The following RANBP10 variants were observed in gnomAD, a reference collection of about 807,000 sequenced individuals.
The protein encoded by RANBP10 is ran-binding protein 10.
In RANBP10, 24 loss-of-function variants were observed where a neutral mutation model predicts 72.8. That is an observed-to-expected ratio of 0.33 (90% CI 0.24 to 0.46). The LOEUF (loss-of-function observed/expected upper bound fraction) is 0.46. Among genes scored for constraint, RANBP10 ranks in the 20% least tolerant of loss-of-function variants. The pLI is 1.00. For missense variants in RANBP10, 679 were observed against 817.5 expected (o/e 0.83, Z 2.07); for synonymous variants, 310 against 322.3 (o/e 0.96, Z 0.41).
intron 2 of RANBP10, among the ~76,000 whole-genome samples, chr16:67,788,472 T>C (rs568502696): frequency 1.3e-5 from 2 of 151,468 alleles, no homozygotes; most frequent in Non-Finnish European, 2.9e-5. Flanking sequence ...TTAGCCAGGA[T>C]GGTCTCGATC....
At chr16:67,779,398 A>G (rs1405719627) in intron 2 of RANBP10, among the ~76,000 whole-genome samples, 1 of 151,920 alleles carries the variant, frequency 6.6e-6, no homozygotes, top group African/African-American at 2.4e-5. Context: ...CCTTGTCTCA[A>G]AGAAAAAAAA....
In RANBP10 at chr16:67,728,427, G is replaced by A. The variant is rs895393611; in HGVS notation, c.1437C>T (p.Tyr479=). The A allele has an allele frequency of 1.4e-5, 22 of 1,614,166 alleles. No homozygotes were observed. Among genetic ancestry groups the A allele is most frequent in the Non-Finnish European group, 1.7e-5 (20 of 1,180,028 alleles). The change falls in exon 11 of 14, where the codon TAC becomes TAT. Residue 479 remains tyrosine (Y), a synonymous_variant. Transcript: ENST00000317506. ...SMSTRIVNGA[Y]KHEDLQTDES... ...CATCCGTCTGCAGGTCCTCATGCTT[G>A]TAGGCACCATTAACAATGCGTGTGG... is the stretch of plus-strand genomic sequence containing the variant.
chr16:67,748,720 C>T (rs2054137669), intron 3 of RANBP10, among the ~76,000 whole-genome samples: 1 of 152,082 alleles, frequency 6.6e-6, no homozygotes, highest in Non-Finnish European at 1.5e-5. Flanking sequence ...CAGGCAAAGG[C>T]ATGAGTACAG....
intron 3 of RANBP10, among the ~76,000 whole-genome samples, chr16:67,757,746 G>A (rs776711537): frequency 3.9e-5 from 6 of 152,172 alleles, no homozygotes; most frequent in South Asian, 4.1e-4. Context: ...AGAGAACACC[G>A]CTGTCACAGC....
chr16:67,731,878 A>G (rs2053740672), intron 6 of RANBP10, among the ~76,000 whole-genome samples: 1 of 152,168 alleles, frequency 6.6e-6, no homozygotes, highest in Admixed American at 6.5e-5. Flanking sequence ...GAGTATGATA[A>G]CAGAAGTACA....
At position 67,760,156 on chromosome 16, in the gene RANBP10, GCAACCGCACAAAGC is replaced by G. The variant is rs532916609; in HGVS notation, c.400+11864_400+11877del. Among the ~76,000 whole-genome samples the G allele has an allele frequency of 1.2e-4, 18 of 151,840 alleles. 1 individual carries two copies. Among genetic ancestry groups the G allele is most frequent in the Middle Eastern group, 6.8e-3 (2 of 292 alleles). ...CTACATGCCAATAATCTCTAAGACAGCAACCGCACAAAGCCACCTGCTACTGGTATTTGCTCAAA... is the reference window on the plus strand; with the variant it reads ...CTACATGCCAATAATCTCTAAGACAGCACCTGCTACTGGTATTTGCTCAAA... On this transcript the variant is annotated intron_variant, in intron 3 of 13. Coordinates refer to ENST00000317506, the MANE Select transcript of RANBP10 (RefSeq NM_020850.3).
chr16:67,805,460 A>G lies in RANBP10; in HGVS notation c.315T>C (p.Phe105=), dbSNP rs1026032674. Residue 105 remains phenylalanine (F), a synonymous_variant, in exon 2 of 14, where the codon TTT becomes TTC. Transcript: ENST00000317506. ...PIPAACGIYY[F]EVKIVSKGRD... ...TTCCTTTGCTGACAATCTTCACTTC[A>G]AAGTAATAAATGCCACAGGCAGCAG... 15 of 1,614,048 alleles carry G rather than the reference A, an allele frequency of 9.3e-6. No individual in the cohort carries two copies. Among genetic ancestry groups the G allele is most frequent in the Admixed American group, 6.7e-5 (4 of 59,996 alleles).
At chr16:67,799,160 T>C (rs1456636381) in intron 2 of RANBP10, among the ~76,000 whole-genome samples, 5 of 152,068 alleles carry the variant, frequency 3.3e-5, no homozygotes, top group African/African-American at 1.2e-4. Flanking sequence ...GTTCTCGAAC[T>C]CCTGAACTCA....
At chr16:67,783,303 C>A (rs1597903283) in intron 2 of RANBP10, among the ~76,000 whole-genome samples, 2 of 152,174 alleles carry the variant, frequency 1.3e-5, no homozygotes, top group East Asian at 3.9e-4. Flanking sequence ...GGCCACCTGA[C>A]TCTCACACCT....
intron 3 of RANBP10, among the ~76,000 whole-genome samples, chr16:67,754,276 C>T (rs1395569726): frequency 3.9e-5 from 6 of 152,262 alleles, no homozygotes; most frequent in South Asian, 2.1e-4. Flanking sequence ...CCAGGGACTT[C>T]GTGGCTCCTT....
At chr16:67,748,121 G>A (rs924553021) in intron 3 of RANBP10, among the ~76,000 whole-genome samples, 36 of 151,266 alleles carry the variant, frequency 2.4e-4, no homozygotes, top group South Asian at 6.4e-4. Flanking sequence ...CACTGCGCCC[G>A]GCCCTCATTT....
At chr16:67,796,212 A>G (rs1404560341) in intron 2 of RANBP10, among the ~76,000 whole-genome samples, 1 of 152,178 alleles carries the variant, frequency 6.6e-6, no homozygotes, top group Admixed American at 6.6e-5. Context: ...CACAGCACAC[A>G]GCCTATTTTG....
intron 4 of RANBP10, among the ~76,000 whole-genome samples, chr16:67,741,971 T>A (rs536108834): frequency 6.6e-6 from 1 of 152,140 alleles, no homozygotes; most frequent in Non-Finnish European, 1.5e-5. Context: ...AATTTTGTAA[T>A]CTAAAAATGC....
chr16:67,733,263 G>A (rs1273463396), intron 6 of RANBP10, among the ~76,000 whole-genome samples: 1 of 152,072 alleles, frequency 6.6e-6, no homozygotes, highest in East Asian at 1.9e-4. Context: ...CTACTCAGGA[G>A]ACTGAGGTAG....
intron 2 of RANBP10, among the ~76,000 whole-genome samples, chr16:67,778,303 C>T (rs530533259): frequency 6.6e-6 from 1 of 151,700 alleles, no homozygotes; most frequent in Non-Finnish European, 1.5e-5. Flanking sequence ...AAGCCAAGAT[C>T]GCGCCACTGC....
intron 3 of RANBP10, among the ~76,000 whole-genome samples, chr16:67,752,411 G>A (rs1415957948): frequency 4.6e-5 from 7 of 152,146 alleles, no homozygotes; most frequent in African/African-American, 1.4e-4. Flanking sequence ...TTCTCCCCTA[G>A]GGCCTCCAGA....
In RANBP10 at chr16:67,727,170, T is replaced by C. The variant is rs559986698; in HGVS notation, c.1732+157A>G. 2.7e-3 allele frequency among the ~76,000 whole-genome samples: 408 copies of C among 152,310 alleles called. 3 individuals are homozygous for C. Among genetic ancestry groups the C allele is most frequent in the African/African-American group, 8.9e-3 (371 of 41,572 alleles). ...CTAGCCAGGCGTGGTGGCACGCACCTTAGTCCCAGCTACTCAGGAGGCTGA... is the reference window on the plus strand; with the variant it reads ...CTAGCCAGGCGTGGTGGCACGCACCCTAGTCCCAGCTACTCAGGAGGCTGA... On this transcript the variant is annotated intron_variant, in intron 13 of 13. Transcript: ENST00000317506.
chr16:67,790,644 C>T (rs1486850160), intron 2 of RANBP10, among the ~76,000 whole-genome samples: 1 of 151,700 alleles, frequency 6.6e-6, no homozygotes, highest in Non-Finnish European at 1.5e-5. Flanking sequence ...CGCACTTAGC[C>T]CACAGCAAAT....
intron 11 of RANBP10, 88 bp from the exon 12 acceptor site, chr16:67,727,984 G>C (rs1444306385): frequency 3.4e-6 from 5 of 1,457,366 alleles, no homozygotes; most frequent in Non-Finnish European, 4.7e-6. Flanking sequence ...CCCCGGGTGG[G>C]CTGCAGCTTC....
Sources: allele counts gnomAD v4.1 joint callset (sites outside exome capture counted in the v4.1 genomes callset), GRCh38; gene constraint gnomAD v4.1.1; transcripts MANE v1.5; gene names NCBI Gene and HGNC (gene_info 2026-07-23, HGNC 2026-07-21).